The following RBPJ variants were observed in gnomAD, a reference collection of about 807,000 sequenced individuals.
RBPJ encodes recombining binding protein suppressor of hairless.
In RBPJ, 9 loss-of-function variants were observed where a neutral mutation model predicts 67.8. The observed-to-expected ratio is 0.13, with a 90% confidence interval of 0.08 to 0.23. The LOEUF (loss-of-function observed/expected upper bound fraction) is 0.23. Ranked by LOEUF, RBPJ falls within the 10% of genes least tolerant of loss-of-function variation. The pLI is 1.00. For synonymous variants in RBPJ, 198 were observed against 203.3 expected, an observed-to-expected ratio of 0.97 and a Z score of 0.22; for missense variants, 305 against 595.6, an observed-to-expected ratio of 0.51 and a Z score of 5.08.
At chr4:26,233,588 G>A (rs1309770696) in intron 1 of RBPJ, among the ~76,000 whole-genome samples, 7 of 152,094 alleles carry the variant, frequency 4.6e-5, no homozygotes, top group Admixed American at 6.6e-5. Context: ...TCCCAGTGTC[G>A]TTATTATTGG....
intron 3 of RBPJ, among the ~76,000 whole-genome samples, chr4:26,409,321 C>CT (rs1733786047): frequency 6.6e-6 from 1 of 151,978 alleles, no homozygotes; most frequent in African/African-American, 2.4e-5. Flanking sequence ...AATCCCAGCA[C>CT]TTTGAGAGGT....
rs576505706 is a variant in RBPJ at position 26,223,693 on chromosome 4, G to A, written c.-167+60079G>A. ...TTAGGTTGGCCCTATAGGAGGCATAGTCAGTAGAAGTCTTCAAAGAGGTGA... is the reference window on the plus strand; with the variant it reads ...TTAGGTTGGCCCTATAGGAGGCATAATCAGTAGAAGTCTTCAAAGAGGTGA... On this transcript the variant is annotated intron_variant, in intron 1 of 4. Coordinates refer to the RBPJ transcript ENST00000512351. Among the ~76,000 whole-genome samples, 186 of 152,326 alleles carry A rather than the reference G, an allele frequency of 1.2e-3. 3 individuals are homozygous for A. Among genetic ancestry groups the A allele is most frequent in the African/African-American group, 4.3e-3 (180 of 41,560 alleles).
chr4:26,398,487 G>C (rs371998937), intron 2 of RBPJ, among the ~76,000 whole-genome samples: 1 of 152,152 alleles, frequency 6.6e-6, no homozygotes, highest in African/African-American at 2.4e-5. Flanking sequence ...TTTTAAGGAG[G>C]ATCTTGCCTC....
intron 1 of RBPJ, among the ~76,000 whole-genome samples, chr4:26,305,455 T>G (rs1722202455): frequency 6.6e-6 from 1 of 152,210 alleles, no homozygotes; most frequent in African/African-American, 2.4e-5. Flanking sequence ...TCCATAAACA[T>G]GGGATGTTTT....
chr4:26,198,157 G>T (rs1487921832), intron 1 of RBPJ, among the ~76,000 whole-genome samples: 1 of 152,178 alleles, frequency 6.6e-6, no homozygotes, highest in Admixed American at 6.5e-5. Flanking sequence ...GGGAGGCTGA[G>T]GCCGGAGAAT....
chr4:26,294,173 C>T (rs1721776789), intron 1 of RBPJ, among the ~76,000 whole-genome samples: 1 of 152,124 alleles, frequency 6.6e-6, no homozygotes, highest in African/African-American at 2.4e-5. Flanking sequence ...TCTCAGCTCA[C>T]TGCAACCTCT....
intron 1 of RBPJ, among the ~76,000 whole-genome samples, chr4:26,308,005 G>C (rs951202643): frequency 6.6e-6 from 1 of 152,118 alleles, no homozygotes; most frequent in Non-Finnish European, 1.5e-5. Context: ...GGCCTGGAGC[G>C]GTGGCTCACG....
Position 26,282,499 on chromosome 4 carries a change from G to T in RBPJ, c.-166-79947G>T, listed in dbSNP as rs139130288. Among the ~76,000 whole-genome samples the T allele has an allele frequency of 1.3e-4, 19 of 151,662 alleles. No homozygotes were observed. The South Asian group carries it at 3.5e-3, about 28-fold the overall frequency. ...ATTTAAATTACAACAAATCAAATGA[G>T]CTTCATGTATTTCTTTTTTTTTTCT... On this transcript the variant is annotated intron_variant, in intron 1 of 4. Coordinates refer to the RBPJ transcript ENST00000512351.
chr4:26,280,742 T>TA (rs922948604), intron 1 of RBPJ, among the ~76,000 whole-genome samples: 2 of 152,080 alleles, frequency 1.3e-5, no homozygotes, highest in South Asian at 2.1e-4. Context: ...TACCACAACA[T>TA]AAAAAAAATT....
chr4:26,430,155 C>T lies in RBPJ; in HGVS notation c.1044+102C>T, dbSNP rs1346366123. The stretch of plus-strand genomic sequence containing the variant: ...ATGGGAGTTTTGATTTTTCTCCAAT[C>T]GTCTGATTAGGGGATTTTTATATAC... On this transcript the variant is annotated intron_variant, in intron 9 of 10. Transcript: ENST00000355476. This position sits in a 1 kb window ranked among gnomAD's most constrained non-coding sequence, Gnocchi z 4.1. The T allele has an allele frequency of 3.0e-6, 4 of 1,354,250 alleles. No homozygotes were observed. The highest frequency in any genetic ancestry group is 1.4e-5 in the African/African-American group (1 of 69,774). 83.9% of individuals were successfully genotyped at this position (1,354,250 alleles called of 1,614,324 possible).
At chr4:26,228,942 C>G (rs1290411792) in intron 1 of RBPJ, among the ~76,000 whole-genome samples, 1 of 152,210 alleles carries the variant, frequency 6.6e-6, no homozygotes, top group Non-Finnish European at 1.5e-5. Flanking sequence ...CCTCCATTTA[C>G]TCAGCTCCAC....
At chr4:26,185,586 C>G (rs556489451) in intron 1 of RBPJ, among the ~76,000 whole-genome samples, 13 of 152,270 alleles carry the variant, frequency 8.5e-5, no homozygotes, top group African/African-American at 3.1e-4. Context: ...CAGAGTCCCT[C>G]GGTCTCCACC....
Position 26,430,447 on chromosome 4 carries a change from T to A in RBPJ, c.1073T>A (p.Leu358His). The A allele has an allele frequency of 6.2e-7, 1 of 1,611,670 alleles. No homozygotes were observed. Among genetic ancestry groups the A allele is most frequent in the Non-Finnish European group, 8.5e-7 (1 of 1,179,354 alleles). Residue 358 changes from leucine to histidine, a missense_variant, in exon 10 of 11, where the codon CTT becomes CAT. By Grantham distance (99) the Leu-to-His change is moderately conservative (BLOSUM62 -3). Around this residue, in one of 7 missense-constraint regions of RBPJ, gnomAD observed 47 missense variants for 128.2 expected, o/e 0.37. Transcript: ENST00000355476. This position sits in a 1 kb window ranked among gnomAD's most constrained non-coding sequence, Gnocchi z 4.1. ...AATGGCGGTGGGGACGTAGCAATGC[T>A]TGAACTTACAGGACAGAATTTCACT... ...QLNGGGDVAM[L>H]ELTGQNFTPN... is the part of the protein sequence containing the mutation.
intron 1 of RBPJ, among the ~76,000 whole-genome samples, chr4:26,305,766 C>CTTTTATTTTTTTTTTTTTTTTT (rs1722212611): frequency 1.7e-5 from 1 of 57,662 alleles, no homozygotes. Flanking sequence ...TTAGAATTTT[C>CTTTTATTTTTTTTTTTTTTTTT]TTTTCTTTTT....
At position 26,336,971 on chromosome 4, in the gene RBPJ, TTTTG is replaced by T. The variant is rs777520778; in HGVS notation, c.20+15939_20+15942del. Among the ~76,000 whole-genome samples the T allele has an allele frequency of 3.5e-3, 527 of 152,140 alleles. 3 individuals carry two copies. The highest frequency in any genetic ancestry group is 6.8e-3 in the Admixed American group (104 of 15,278). ...CCCCTGATGGTCTTTGTTTAGCGTT[TTTTG>T]TTTGTTTGTTTGTTTTTTGAGACTG... On this transcript the variant is annotated intron_variant, in intron 1 of 10. Coordinates refer to ENST00000355476, the MANE Select transcript of RBPJ (RefSeq NM_015874.6).
the RBPJ span, among the ~76,000 whole-genome samples, chr4:26,130,629 T>C: frequency 6.6e-6 from 1 of 152,096 alleles, no homozygotes; most frequent in Admixed American, 6.6e-5. Flanking sequence ...CTCCCATTAC[T>C]CTCCCCGTAA....
intron 1 of RBPJ, among the ~76,000 whole-genome samples, chr4:26,220,598 C>G (rs1256939202): frequency 6.6e-6 from 1 of 152,180 alleles, no homozygotes; most frequent in African/African-American, 2.4e-5. Context: ...GCTTGCCTCT[C>G]CCTGGGTCCC....
At chr4:26,201,037 A>G (rs1717963897) in intron 1 of RBPJ, among the ~76,000 whole-genome samples, 1 of 152,276 alleles carries the variant, frequency 6.6e-6, no homozygotes, top group Non-Finnish European at 1.5e-5. Flanking sequence ...ATGAGTATCC[A>G]TTCACCATCT....
chr4:26,215,245 A>G (rs1560214546), intron 1 of RBPJ, among the ~76,000 whole-genome samples: 6 of 15,844 alleles, frequency 3.8e-4, no homozygotes, highest in African/African-American at 7.3e-4. Flanking sequence ...GAAAGAAAGA[A>G]AGTAAGAAAG....
Sources: gnomAD v4.1 joint callset for allele counts (sites outside exome capture counted in the v4.1 genomes callset) on GRCh38, gnomAD v4.1.1 for gene constraint, gnomAD v4.1.1 regional missense constraint, Gnocchi (gnomAD v3.1) non-coding constraint, MANE v1.5 for transcripts, NCBI Gene and HGNC (gene_info 2026-07-23, HGNC 2026-07-21) for gene names.